OSR2: variants seen among roughly 807,000 people sequenced by gnomAD.
The protein encoded by OSR2 is odd-skipped related transciption factor 2.
OSR2 carries 8 observed loss-of-function variants against 22.3 expected under a neutral mutation model. That is an observed-to-expected ratio of 0.36 (90% CI 0.21 to 0.65). The LOEUF (loss-of-function observed/expected upper bound fraction) is 0.65. Ranked by LOEUF, OSR2 falls within the 30% of genes least tolerant of loss-of-function variation. The pLI is 0.66. For synonymous variants in OSR2, 179 were observed against 173.8 expected (o/e 1.03, Z -0.23); for missense variants, 311 against 413.4 (o/e 0.75, Z 2.15).
chr8:98,950,618 G>T, intron 2 of OSR2, 38 bp from the exon 3 acceptor site: 1 of 1,379,424 alleles, frequency 7.2e-7, no homozygotes, highest in Non-Finnish European at 1.0e-6. Flanking sequence ...TCACCATGGG[G>T]CAAAGTTATT....
chr8:98,949,050 C>A lies in OSR2; in HGVS notation c.98C>A (p.Thr33Lys), dbSNP rs1187164935. The change falls in exon 2 of 4, where the codon ACG becomes AAG. Residue 33 changes from threonine (T) to lysine (K), a missense_variant. This residue lies in a region of OSR2 where 146 missense variants were observed against 160.5 expected (regional missense o/e 0.91). Transcript: ENST00000297565. This position sits in a 1 kb window ranked among gnomAD's most constrained non-coding sequence, Gnocchi z 5.9. Reference protein sequence around the residue: ...FLQAVNTFPATVDHLQGLYGL... With the variant: ...FLQAVNTFPAKVDHLQGLYGL... ...CAGGCCGTGAACACCTTCCCGGCCA[C>A]GGTGGACCACCTGCAGGGCCTGTAC... 1.2e-6 allele frequency: 2 copies of A among 1,613,836 alleles called. No homozygotes were observed. The highest frequency in any genetic ancestry group is 1.7e-6 in the Non-Finnish European group (2 of 1,179,894).
chr8:98,949,373 C>A lies in OSR2; in HGVS notation c.421C>A (p.Pro141Thr). Residue 141 changes from proline (P) to threonine (T), a missense_variant, in exon 2 of 4, where the codon CCA (proline) becomes ACA (threonine). By Grantham distance (38) the Pro-to-Thr change is conservative (BLOSUM62 -1). This residue lies in a region of OSR2 where 53 missense variants were observed against 59.5 expected (regional missense o/e 0.89). Transcript: ENST00000297565. This position sits in a 1 kb window ranked among gnomAD's most constrained non-coding sequence, Gnocchi z 5.9. ...PKMGDLSKLS[P>T]GLGSPISGLS... is the part of the protein sequence containing the mutation. Reference sequence around the variant, plus strand: ...GATGGGAGACCTGAGCAAGCTGAGCCCAGGACTGGGTAGCCCCATCTCGGG... The same window carrying A: ...GATGGGAGACCTGAGCAAGCTGAGCACAGGACTGGGTAGCCCCATCTCGGG... 1.9e-6 allele frequency: 3 copies of A among 1,613,120 alleles called. No homozygotes were observed. Among genetic ancestry groups the A allele is most frequent in the Non-Finnish European group, 2.5e-6 (3 of 1,179,344 alleles).
In OSR2 at chr8:98,949,527, G is replaced by A. The variant is rs1840723131; in HGVS notation, c.575G>A (p.Arg192Lys). ...TKSYNLLIHE[R>K]THTDERPYTC... ...TCCTACAATTTGCTCATCCATGAGA[G>A]GACCCACACGGACGAGAGGCCGTAC... The change falls in exon 2 of 4, where the codon AGG (arginine) becomes AAG (lysine). Residue 192 changes from arginine (R) to lysine (K), a missense_variant. By Grantham distance (26) the Arg-to-Lys change is conservative (BLOSUM62 2). Transcript: ENST00000297565. This position sits in a 1 kb window ranked among gnomAD's most constrained non-coding sequence, Gnocchi z 5.9. The A allele has an allele frequency of 6.2e-7, 1 of 1,614,054 alleles. No homozygotes were observed. The highest frequency in any genetic ancestry group is 8.5e-7 in the Non-Finnish European group (1 of 1,180,004).
Position 98,950,637 on chromosome 8 carries a change from A to G in OSR2, c.657-19A>G. ...CATGGGGCAAAGTTATTTCAATGAA[A>G]CCTTATATTGATTTTCAGATACATC... On this transcript the variant is annotated intron_variant, in intron 2 of 3. Transcript: ENST00000297565. 6.5e-7 allele frequency: 1 copy of G among 1,538,790 alleles called. No homozygotes were observed. The highest frequency in any genetic ancestry group is 2.3e-5 in the East Asian group (1 of 44,306).
Position 98,944,632 on chromosome 8 carries a change from G to A in OSR2, c.-306G>A, listed in dbSNP as rs983417080. 1.3e-5 allele frequency: 2 copies of A among 152,262 alleles called. No individual in the cohort carries two copies. Among genetic ancestry groups the A allele is most frequent in the African/African-American group, 4.8e-5 (2 of 41,468 alleles). 9.4% of individuals were successfully genotyped at this position (152,262 alleles called of 1,614,324 possible). ...GGTCTTTACACAGTCCGCGTCCACA[G>A]ACTCTGACGAAGACGTGGATCTGCT... On this transcript the variant is annotated 5_prime_UTR_variant, in exon 1 of 4. Coordinates refer to ENST00000297565, the MANE Select transcript of OSR2 (RefSeq NM_001142462.3).
intron 1 of OSR2, among the ~76,000 whole-genome samples, chr8:98,947,430 G>A (rs1390627863): frequency 6.6e-6 from 1 of 152,104 alleles, no homozygotes; most frequent in African/African-American, 2.4e-5. Context: ...GAAGGCTGGA[G>A]TCTCTCCTGC....
chr8:98,948,822 T>G lies in OSR2; in HGVS notation c.-114-17T>G. On this transcript the variant is annotated splice_polypyrimidine_tract_variant and intron_variant, in intron 1 of 3. Transcript: ENST00000297565. This position sits in a 1 kb window ranked among gnomAD's most constrained non-coding sequence, Gnocchi z 6.0. Reference sequence around the variant, plus strand: ...ATTATAGTCACGGTCTCTCCCTCTCTTCCCTGCCATTTTTAGGGCTTTCTC... The same window carrying G: ...ATTATAGTCACGGTCTCTCCCTCTCGTCCCTGCCATTTTTAGGGCTTTCTC... The G allele has an allele frequency of 6.4e-7, 1 of 1,556,842 alleles. No individual in the cohort carries two copies. Among genetic ancestry groups the G allele is most frequent in the Non-Finnish European group, 8.7e-7 (1 of 1,153,806 alleles).
rs1238892260 is a variant in OSR2 at position 98,949,988 on chromosome 8, AC to A, written c.656+386del. On this transcript the variant is annotated intron_variant, in intron 2 of 3. Coordinates refer to ENST00000297565, the MANE Select transcript of OSR2 (RefSeq NM_001142462.3). The surrounding 1 kb of genome is among the most constrained non-coding windows in gnomAD (Gnocchi z 5.9). The stretch of plus-strand genomic sequence containing the variant: ...TCTGTTGGGTTTCGTCCCTCCCCCC[AC>A]CCCCCACCCTCCACCCAGGTGCGCC... 4.1e-5 allele frequency among the ~76,000 whole-genome samples: 2 copies of A among 49,182 alleles called. No homozygotes were observed. Among genetic ancestry groups the A allele is most frequent in the African/African-American group, 7.5e-5 (1 of 13,282 alleles). The allele number at this position is 49,182 out of a possible 152,430, so 32.3% of individuals were successfully genotyped here.
At chr8:98,951,471 A>G (rs1840780363) in intron 3 of OSR2, 48 bp from the exon 4 acceptor site, 1 of 1,502,754 alleles carries the variant, frequency 6.7e-7, no homozygotes, top group South Asian at 1.2e-5. Flanking sequence ...AAAAGGGTGC[A>G]GTGGTGGTGT....
Position 98,948,647 on chromosome 8 carries a change from C to G in OSR2, c.-114-192C>G. 3 of 964,446 alleles carry G rather than the reference C, an allele frequency of 3.1e-6. No homozygotes were observed. Among genetic ancestry groups the G allele is most frequent in the Admixed American group, 3.0e-5 (1 of 33,864 alleles). The allele number at this position is 964,446 out of a possible 1,614,324, so 59.7% of individuals were successfully genotyped here. A position where few individuals can be genotyped will look rare whatever the true frequency, so the allele number is the denominator to read the frequency against. ...GCCAGTGGAGCACTTCTTGTTCTGGCCCCGGGCTGATCTGCACGCGGACTT... is the reference window on the plus strand; with the variant it reads ...GCCAGTGGAGCACTTCTTGTTCTGGGCCCGGGCTGATCTGCACGCGGACTT... On this transcript the variant is annotated intron_variant, in intron 1 of 3. Coordinates refer to ENST00000297565, the MANE Select transcript of OSR2 (RefSeq NM_001142462.3). This position sits in a 1 kb window ranked among gnomAD's most constrained non-coding sequence, Gnocchi z 6.0.
chr8:98,946,622 A>C (rs1840620979), intron 1 of OSR2, among the ~76,000 whole-genome samples: 1 of 152,174 alleles, frequency 6.6e-6, no homozygotes, highest in South Asian at 2.1e-4. Context: ...CTGTATTATA[A>C]ACCATTCAGA....
chr8:98,944,795 G>C lies in OSR2; in HGVS notation c.-143G>C, dbSNP rs924837179. The C allele has an allele frequency of 6.6e-6, 1 of 152,330 alleles. No homozygotes were observed. Among genetic ancestry groups the C allele is most frequent in the Admixed American group, 6.5e-5 (1 of 15,288 alleles). 9.4% of individuals were successfully genotyped at this position (152,330 alleles called of 1,614,324 possible). A position where few individuals can be genotyped will look rare whatever the true frequency, so the allele number is the denominator to read the frequency against. The stretch of plus-strand genomic sequence containing the variant: ...CGCTGCCTGGACCGGGTCTGAGCGC[G>C]GCTGCCCAGGTTGACCTTTCTGCGG... On this transcript the variant is annotated 5_prime_UTR_variant, in exon 1 of 4. Coordinates refer to ENST00000297565, the MANE Select transcript of OSR2 (RefSeq NM_001142462.3).
At position 98,948,802 on chromosome 8, in the gene OSR2, AG is replaced by A; in HGVS notation, c.-114-36del. Reference sequence around the variant, plus strand: ...GGCAGAAGGAGCAGCCTTGGATTATAGTCACGGTCTCTCCCTCTCTTCCCTG... The same window carrying A: ...GGCAGAAGGAGCAGCCTTGGATTATATCACGGTCTCTCCCTCTCTTCCCTG... On this transcript the variant is annotated intron_variant, in intron 1 of 3. Transcript: ENST00000297565. This position sits in a 1 kb window ranked among gnomAD's most constrained non-coding sequence, Gnocchi z 6.0. The A allele has an allele frequency of 6.6e-7, 1 of 1,508,996 alleles. No homozygotes were observed. The highest frequency in any genetic ancestry group is 8.9e-7 in the Non-Finnish European group (1 of 1,129,910). The allele number at this position is 1,508,996 out of a possible 1,614,324, so 93.5% of individuals were successfully genotyped here.
chr8:98,951,370 G>C (rs917240810), intron 3 of OSR2, 149 bp from the exon 4 acceptor site: 2 of 751,102 alleles, frequency 2.7e-6, no homozygotes, highest in Admixed American at 2.8e-5. Flanking sequence ...TGGAAGATTA[G>C]GAGCACGGAT....
In OSR2 at chr8:98,948,165, G is replaced by C; in HGVS notation, c.-114-674G>C. The C allele has an allele frequency of 7.2e-7, 1 of 1,384,272 alleles. No homozygotes were observed. Among genetic ancestry groups the C allele is most frequent in the Non-Finnish European group, 9.3e-7 (1 of 1,072,556 alleles). The allele number at this position is 1,384,272 out of a possible 1,614,324, so 85.7% of individuals were successfully genotyped here. ...CTTTTCTTTCCTGCGGCCCGTCACC[G>C]CTGATAGATGGGGCTGAGGGCAGAG... On this transcript the variant is annotated intron_variant, in intron 1 of 3. Coordinates refer to ENST00000297565, the MANE Select transcript of OSR2 (RefSeq NM_001142462.3). The surrounding 1 kb of genome is among the most constrained non-coding windows in gnomAD (Gnocchi z 6.0).
Position 98,948,981 on chromosome 8 carries a change from T to A in OSR2, c.29T>A (p.Ile10Asn). 1 of 1,613,932 alleles carries A rather than the reference T, an allele frequency of 6.2e-7. No individual in the cohort carries two copies. Among genetic ancestry groups the A allele is most frequent in the South Asian group, 1.1e-5 (1 of 91,088 alleles). MGSKALPAP[I>N]PLHPSLQLTN... ...GGGAGCAAGGCTCTGCCAGCGCCCATCCCGCTCCACCCGTCGCTGCAGCTC... is the reference window on the plus strand; with the variant it reads ...GGGAGCAAGGCTCTGCCAGCGCCCAACCCGCTCCACCCGTCGCTGCAGCTC... The change falls in exon 2 of 4, where the codon ATC becomes AAC. Residue 10 changes from isoleucine to asparagine, a missense_variant. Physicochemically the swap from Ile to Asn is moderately radical, Grantham distance 149. This residue lies in a region of OSR2 where 146 missense variants were observed against 160.5 expected (regional missense o/e 0.91). Transcript: ENST00000297565. The surrounding 1 kb of genome is among the most constrained non-coding windows in gnomAD (Gnocchi z 6.0).
Position 98,949,492 on chromosome 8 carries a change from C to T in OSR2, c.540C>T (p.His180=). 1.2e-6 allele frequency: 2 copies of T among 1,614,090 alleles called. No individual in the cohort carries two copies. ...TTATCTGCAAGTTTTGCGGCAGACA[C>T]TTTACCAAATCCTACAATTTGCTCA... ...KEFICKFCGR[H]FTKSYNLLIH... is the part of the protein sequence containing the mutation. Residue 180 remains histidine (H), a synonymous_variant, in exon 2 of 4, where the codon CAC becomes CAT. Coordinates refer to ENST00000297565, the MANE Select transcript of OSR2 (RefSeq NM_001142462.3). The surrounding 1 kb of genome is among the most constrained non-coding windows in gnomAD (Gnocchi z 5.9).
rs755364082 is a variant in OSR2, at chr8:98,951,746, G to T, written c.*45G>T. On this transcript the variant is annotated 3_prime_UTR_variant, in exon 4 of 4. Coordinates refer to ENST00000297565, the MANE Select transcript of OSR2 (RefSeq NM_001142462.3). ...CGTGCCGCCGCTGCTCCCCTCCCCA[G>T]ACACCTCTCCACGTCTCCTACCCAG... is the stretch of plus-strand genomic sequence containing the variant. 6.4e-7 allele frequency: 1 copy of T among 1,566,916 alleles called. No individual in the cohort carries two copies. The highest frequency in any genetic ancestry group is 2.3e-5 in the East Asian group (1 of 42,580).
intron 1 of OSR2, among the ~76,000 whole-genome samples, chr8:98,947,799 A>ACTGCAGCTCCC (rs1840651595): frequency 6.6e-6 from 1 of 152,090 alleles, no homozygotes; most frequent in African/African-American, 2.4e-5. Flanking sequence ...TGCTTGGCCT[A>ACTGCAGCTCCC]CTGCAGCTCC....
Sources: gnomAD v4.1 joint callset for allele counts (sites outside exome capture counted in the v4.1 genomes callset) on GRCh38, gnomAD v4.1.1 for gene constraint, gnomAD v4.1.1 regional missense constraint, Gnocchi (gnomAD v3.1) non-coding constraint, MANE v1.5 for transcripts, NCBI Gene and HGNC (gene_info 2026-07-23, HGNC 2026-07-21) for gene names.